The following UBAP2 variants were observed in gnomAD, a reference collection of about 807,000 sequenced individuals.
UBAP2 encodes ubiquitin-associated protein 2.
In UBAP2, 75 loss-of-function variants were observed where a neutral mutation model predicts 139.6. The ratio of observed to expected loss-of-function variants is 0.54; its 90% confidence interval spans 0.45 to 0.65. UBAP2 has a LOEUF of 0.65. Ranked by LOEUF, UBAP2 falls within the 30% of genes least tolerant of loss-of-function variation. UBAP2 has a pLI of 0.00. For missense variants in UBAP2, 1,368 were observed against 1,369.6 expected (o/e 1.00, Z 0.02); for synonymous variants, 526 against 526.2 (o/e 1.00, Z 0.01).
At chr9:33,927,602 G>A (rs184187971) in intron 20 of UBAP2, among the ~76,000 whole-genome samples, 195 bp downstream of exon 20, 78 of 152,334 alleles carry the variant, frequency 5.1e-4, no homozygotes, top group African/African-American at 1.5e-3. Context: ...CTAGAAGCAC[G>A]CAGAGGCCAG....
At chr9:33,951,428 C>T in intron 12 of UBAP2, among the ~76,000 whole-genome samples, 1 of 148,902 alleles carries the variant, frequency 6.7e-6, no homozygotes, top group East Asian at 2.0e-4. Flanking sequence ...CTCGCTGCAA[C>T]CTCCACCTCC....
In UBAP2 at chr9:33,978,198, G is replaced by A. The variant is rs908827382; in HGVS notation, c.521-4961C>T. The stretch of plus-strand genomic sequence containing the variant: ...TTTATTAAATGCTATGTGGAACAAG[G>A]ACTCAGCAAGACTCCCAAAGAAGGT... On this transcript the variant is annotated intron_variant, in intron 6 of 28. Coordinates refer to ENST00000379238, the MANE Select transcript of UBAP2 (RefSeq NM_001370062.2). Among the ~76,000 whole-genome samples the A allele has an allele frequency of 2.0e-5, 3 of 151,676 alleles. No homozygotes were observed. The South Asian group carries it at 6.3e-4, about 32-fold the overall frequency.
At chr9:34,033,636 G>T (rs1826074292) in intron 1 of UBAP2, among the ~76,000 whole-genome samples, 1 of 151,768 alleles carries the variant, frequency 6.6e-6, no homozygotes, top group African/African-American at 2.4e-5. Context: ...GAAGCGCAGT[G>T]GTGCAATCTC....
At chr9:34,014,466 T>C (rs1184279439) in intron 2 of UBAP2, among the ~76,000 whole-genome samples, 3 of 150,832 alleles carry the variant, frequency 2.0e-5, no homozygotes, top group Non-Finnish European at 3.0e-5. Flanking sequence ...CTGTCTCTAC[T>C]AAAAATACAA....
chr9:33,932,219 T>A (rs557181273), intron 19 of UBAP2, among the ~76,000 whole-genome samples: 6 of 152,142 alleles, frequency 3.9e-5, no homozygotes, highest in Non-Finnish European at 7.4e-5. Context: ...TTCTCCAACA[T>A]TGACCTTCTT....
At chr9:33,941,926 AAACAT>A (rs1825250277) in intron 15 of UBAP2, 64 bp from the exon 16 acceptor site, 1 of 1,193,242 alleles carries the variant, frequency 8.4e-7, no homozygotes, top group Non-Finnish European at 1.2e-6. Flanking sequence ...AAAAAAAAAA[AAACAT>A]AAACAGCTTC....
At chr9:33,990,741 T>C (rs899871527) in intron 4 of UBAP2, among the ~76,000 whole-genome samples, 3 of 149,530 alleles carry the variant, frequency 2.0e-5, no homozygotes, top group Non-Finnish European at 4.4e-5. Context: ...GTTCAAGTGA[T>C]AACTCCTGTC....
intron 6 of UBAP2, among the ~76,000 whole-genome samples, chr9:33,979,550 G>A (rs973036499): frequency 6.6e-5 from 10 of 151,762 alleles, no homozygotes; most frequent in Admixed American, 6.6e-4. Context: ...ACTCCAGCCA[G>A]GGCAACAAGA....
chr9:33,998,684 G>A, intron 3 of UBAP2, 103 bp downstream of exon 3: 1 of 1,015,570 alleles, frequency 9.8e-7, no homozygotes, highest in Non-Finnish European at 1.4e-6. Flanking sequence ...GAGACTAGAA[G>A]CTAGAAGTAA....
Position 33,948,402 on chromosome 9 carries a change from T to A in UBAP2, c.1242A>T (p.Thr414=). ...TTTSWDLKPP[T]SQSSVLSHLD... ...GATGACTGAGGACTGAGGACTGGGA[T>A]GTTGGGGGCTTGAGGTCCCAAGAAG... Residue 414 remains threonine (T), a synonymous_variant, in exon 13 of 29, where the codon ACA becomes ACT. Transcript: ENST00000379238. 6.2e-7 allele frequency: 1 copy of A among 1,613,182 alleles called. No homozygotes were observed. Among genetic ancestry groups the A allele is most frequent in the Non-Finnish European group, 8.5e-7 (1 of 1,179,328 alleles).
chr9:34,016,409 T>C (rs1241428164), intron 2 of UBAP2, among the ~76,000 whole-genome samples: 1 of 137,688 alleles, frequency 7.3e-6, no homozygotes, highest in Admixed American at 7.5e-5. Context: ...GTGGTGGTGG[T>C]GGTGGCAGTG....
At chr9:33,923,120 T>C in intron 26 of UBAP2, 66 bp downstream of exon 26, 1 of 1,612,270 alleles carries the variant, frequency 6.2e-7, no homozygotes, top group South Asian at 1.1e-5. Context: ...TTGCCCTGCC[T>C]GAGAGGGGAT....
chr9:33,973,386 A>G lies in UBAP2; in HGVS notation c.521-149T>C, dbSNP rs1010242542. 10 of 776,768 alleles carry G rather than the reference A, an allele frequency of 1.3e-5. No homozygotes were observed. The African/African-American group carries it at 1.4e-4, about 11-fold the overall frequency. The allele number at this position is 776,768 out of a possible 1,614,324, so 48.1% of individuals were successfully genotyped here. ...CCAATCCAGGGCACCCAATTAACTG[A>G]TCCCTGCTGATACAACTACCTATAC... On this transcript the variant is annotated intron_variant, in intron 6 of 28. Coordinates refer to ENST00000379238, the MANE Select transcript of UBAP2 (RefSeq NM_001370062.2).
At chr9:34,041,574 G>A (rs1827097887) in intron 1 of UBAP2, among the ~76,000 whole-genome samples, 1 of 151,864 alleles carries the variant, frequency 6.6e-6, no homozygotes, top group Non-Finnish European at 1.5e-5. Flanking sequence ...GCAGGTGTCT[G>A]TAATCCCAGC....
intron 1 of UBAP2, among the ~76,000 whole-genome samples, chr9:34,035,390 T>C (rs1826246410): frequency 6.7e-6 from 1 of 149,588 alleles, no homozygotes; most frequent in Admixed American, 6.8e-5. Context: ...TAATCCCAGC[T>C]ACTTGGGAGG....
chr9:34,016,407 G>GCA (rs1824348481), intron 2 of UBAP2, among the ~76,000 whole-genome samples: 1 of 145,020 alleles, frequency 6.9e-6, no homozygotes, highest in East Asian at 2.0e-4. Context: ...TGGTGGTGGT[G>GCA]GTGGTGGCAG....
At position 33,922,216 on chromosome 9, in the gene UBAP2, T is replaced by G; in HGVS notation, c.*288A>C. On this transcript the variant is annotated 3_prime_UTR_variant, in exon 29 of 29. Coordinates refer to ENST00000379238, the MANE Select transcript of UBAP2 (RefSeq NM_001370062.2). The stretch of plus-strand genomic sequence containing the variant: ...GAAGAAGACCTGAAGGCAGATGGGG[T>G]GGGGGTGCTTATTTTGCTACAGTGG... The G allele has an allele frequency of 4.9e-6, 2 of 410,958 alleles. No homozygotes were observed. Among genetic ancestry groups the G allele is most frequent in the South Asian group, 2.5e-5 (1 of 40,318 alleles). The allele number at this position is 410,958 out of a possible 1,614,324, so 25.5% of individuals were successfully genotyped here. A position where few individuals can be genotyped will look rare whatever the true frequency, so the allele number is the denominator to read the frequency against.
chr9:34,019,197 GTTCA>G (rs1824675387), intron 1 of UBAP2, among the ~76,000 whole-genome samples: 1 of 152,096 alleles, frequency 6.6e-6, no homozygotes, highest in Non-Finnish European at 1.5e-5. Flanking sequence ...AAGGTCAGGA[GTTCA>G]AGACCAGCCT....
At chr9:33,931,732 G>T (rs1824000009) in intron 19 of UBAP2, among the ~76,000 whole-genome samples, 3 of 152,166 alleles carry the variant, frequency 2.0e-5, no homozygotes, top group Admixed American at 2.0e-4. Context: ...ACCTCACTCT[G>T]CTGGTGAGCT....
Sources: allele counts gnomAD v4.1 joint callset (sites outside exome capture counted in the v4.1 genomes callset), GRCh38; gene constraint gnomAD v4.1.1; transcripts MANE v1.5; gene names NCBI Gene and HGNC (gene_info 2026-07-23, HGNC 2026-07-21).